Variants in FRYL observed in about 807,000 individuals in gnomAD.
FRYL encodes FRY like transcription coactivator, also known as protein furry homolog-like.
In FRYL, 150 loss-of-function variants were observed where a neutral mutation model predicts 351.2. The ratio of observed to expected loss-of-function variants is 0.43; its 90% CI spans 0.37 to 0.49. The LOEUF is 0.49. Among genes scored for constraint, FRYL ranks in the 20% least tolerant of loss-of-function variants. The probability of loss-of-function intolerance (pLI) is 0.00; values close to 1 mark genes in which losing one functional copy is unlikely to be tolerated. For synonymous variants in FRYL, 1,153 were observed against 1,257.1 expected (o/e 0.92, Z 1.75); for missense variants, 3,036 against 3,619.3 (o/e 0.84, Z 4.13).
At chr4:48,651,521 A>G (rs989544100) in intron 3 of FRYL, among the ~76,000 whole-genome samples, 2 of 152,080 alleles carry the variant, frequency 1.3e-5, no homozygotes, top group African/African-American at 4.8e-5. Context: ...TTTTATGTAT[A>G]ACAGTCATTT....
At chr4:48,759,939 T>A (rs1361648876) in intron 1 of FRYL, among the ~76,000 whole-genome samples, 1 of 152,178 alleles carries the variant, frequency 6.6e-6, no homozygotes, top group Non-Finnish European at 1.5e-5. Flanking sequence ...GGTGTGGACA[T>A]CTTTGGAGGG....
chr4:48,729,329 C>T (rs1315616513), intron 1 of FRYL, among the ~76,000 whole-genome samples: 1 of 152,254 alleles, frequency 6.6e-6, no homozygotes, highest in Non-Finnish European at 1.5e-5. Context: ...TAAAAGGCAG[C>T]AGACAGCTTC....
At chr4:48,708,420 T>TCATGC (rs1183715242) in intron 2 of FRYL, among the ~76,000 whole-genome samples, 1 of 152,030 alleles carries the variant, frequency 6.6e-6, no homozygotes, top group Non-Finnish European at 1.5e-5. Flanking sequence ...TGAGCCGAGA[T>TCATGC]CATGCCACTG....
chr4:48,567,422 T>G lies in FRYL; in HGVS notation c.2997-2A>C. Reference sequence around the variant, plus strand: ...TCATTATCAAGGCCACCACTTGCACTGAAAATATTGAAGAAAACAAAAGAT... The same window carrying G: ...TCATTATCAAGGCCACCACTTGCACGGAAAATATTGAAGAAAACAAAAGAT... On this transcript the variant is annotated splice_acceptor_variant, in intron 27 of 63. Coordinates refer to ENST00000358350, the MANE Select transcript of FRYL (RefSeq NM_015030.2). LOFTEE classifies it high-confidence loss of function. This position sits in a 1 kb window ranked among gnomAD's most constrained non-coding sequence, Gnocchi z 4.2. 1 of 1,583,946 alleles carries G rather than the reference T, an allele frequency of 6.3e-7. No individual in the cohort carries two copies. The highest frequency in any genetic ancestry group is 8.6e-7 in the Non-Finnish European group (1 of 1,169,378).
At chr4:48,659,176 C>A (rs986726867) in intron 3 of FRYL, among the ~76,000 whole-genome samples, 3 of 151,760 alleles carry the variant, frequency 2.0e-5, no homozygotes, top group African/African-American at 7.3e-5. Flanking sequence ...CATGGTGAAA[C>A]CCTGTCTCTA....
In FRYL at chr4:48,550,658, G is replaced by A. The variant is rs533873873; in HGVS notation, c.4567C>T (p.Arg1523Trp). ...CGGGATTCTAGTCTGTGATGTTGCC[G>A]ATTCAAATGACTGTTTAGTCCACTG... ...IYSGLNSHLN[R>W]QHHRLESRYS... Residue 1523 changes from arginine (R) to tryptophan (W), a missense_variant, in exon 38 of 64, where the codon CGG becomes TGG. Arg to Trp is a moderately radical substitution (Grantham distance 101). Coordinates refer to ENST00000358350, the MANE Select transcript of FRYL (RefSeq NM_015030.2). 16 of 1,613,890 alleles carry A rather than the reference G, an allele frequency of 9.9e-6. No homozygotes were observed. The East Asian group carries it at 2.9e-4, about 29-fold the overall frequency.
chr4:48,608,416 G>A (rs1468907154), intron 9 of FRYL, among the ~76,000 whole-genome samples: 1 of 152,038 alleles, frequency 6.6e-6, no homozygotes, highest in Non-Finnish European at 1.5e-5. Flanking sequence ...TTCCATAATT[G>A]TTACAGTAAC....
chr4:48,762,449 A>G (rs1192422235), intron 1 of FRYL, among the ~76,000 whole-genome samples: 1 of 152,190 alleles, frequency 6.6e-6, no homozygotes, highest in Non-Finnish European at 1.5e-5. Flanking sequence ...GCCTATTCCT[A>G]AACACTTGGG....
At chr4:48,779,903 G>A (rs1776486442) in intron 1 of FRYL, among the ~76,000 whole-genome samples, 175 bp downstream of exon 1, 1 of 151,852 alleles carries the variant, frequency 6.6e-6, no homozygotes, top group South Asian at 2.1e-4. Context: ...GCGCCGCGCC[G>A]CTTGCCAGCC....
chr4:48,682,673 C>T (rs1251840937), intron 3 of FRYL, among the ~76,000 whole-genome samples: 2 of 152,158 alleles, frequency 1.3e-5, no homozygotes, highest in Non-Finnish European at 2.9e-5. Context: ...AAAAAAACCT[C>T]ATCATCACTG....
chr4:48,691,116 C>T (rs1246284205), intron 2 of FRYL, among the ~76,000 whole-genome samples: 1 of 152,164 alleles, frequency 6.6e-6, no homozygotes, highest in East Asian at 1.9e-4. Context: ...CCCAAAACAA[C>T]TTTTCTAAAT....
chr4:48,623,174 C>A lies in FRYL; in HGVS notation c.126G>T (p.Lys42Asn), dbSNP rs1353790235. ...CCCTCTGAAGAGATCTGGACAATAGCTTCTCCTATGATTAAAAAAAACAAA... is the reference window on the plus strand; with the variant it reads ...CCCTCTGAAGAGATCTGGACAATAGATTCTCCTATGATTAAAAAAAACAAA... ...IEVVMAEPLE[K>N]LLSRSLQRGE... Residue 42 changes from lysine (K) to asparagine (N), a missense_variant, in exon 5 of 64, where the codon AAG becomes AAT. Around this residue, in one of 7 missense-constraint regions of FRYL, gnomAD observed 457 missense variants for 566.6 expected, o/e 0.81. Transcript: ENST00000358350. The A allele has an allele frequency of 4.0e-6, 6 of 1,491,354 alleles. No individual in the cohort carries two copies. Among genetic ancestry groups the A allele is most frequent in the Non-Finnish European group, 5.5e-6 (6 of 1,098,924 alleles). 92.4% of individuals were successfully genotyped at this position (1,491,354 alleles called of 1,614,324 possible).
chr4:48,680,629 T>G (rs900695058), intron 3 of FRYL, among the ~76,000 whole-genome samples: 1 of 152,108 alleles, frequency 6.6e-6, no homozygotes, highest in African/African-American at 2.4e-5. Flanking sequence ...TATTTTTTGT[T>G]TACATATCCT....
chr4:48,569,197 G>T (rs1016713983), intron 27 of FRYL, among the ~76,000 whole-genome samples: 2 of 152,178 alleles, frequency 1.3e-5, no homozygotes, highest in African/African-American at 2.4e-5. Context: ...ATTCAGATGT[G>T]TATCAGGTTG....
intron 3 of FRYL, among the ~76,000 whole-genome samples, chr4:48,642,917 C>G (rs1038810434): frequency 3.9e-5 from 6 of 152,114 alleles, no homozygotes; most frequent in Admixed American, 2.6e-4. Context: ...TAATCTTGGT[C>G]AAATTTAACC....
At chr4:48,696,102 T>G (rs1375046589) in intron 2 of FRYL, among the ~76,000 whole-genome samples, 1 of 151,946 alleles carries the variant, frequency 6.6e-6, no homozygotes, top group Non-Finnish European at 1.5e-5. Context: ...GTTCAACCAT[T>G]GTGGAAGACA....
At chr4:48,565,471 G>T in intron 29 of FRYL, 60 bp downstream of exon 29, 1 of 1,306,454 alleles carries the variant, frequency 7.7e-7, no homozygotes, top group South Asian at 1.7e-5. Flanking sequence ...GTGACTGAGA[G>T]ACTTAAAAAT....
chr4:48,581,208 T>A (rs1740825277), intron 21 of FRYL, among the ~76,000 whole-genome samples: 1 of 149,184 alleles, frequency 6.7e-6, no homozygotes, highest in Non-Finnish European at 1.5e-5. Context: ...GCCCGGCTAA[T>A]TTTTTTTTTA....
In FRYL at chr4:48,728,942, C is replaced by T. The variant is rs563297719; in HGVS notation, c.-383-18244G>A. Among the ~76,000 whole-genome samples, 37 of 152,346 alleles carry T rather than the reference C, an allele frequency of 2.4e-4. 1 individual carries two copies. The South Asian group carries it at 3.5e-3, about 14-fold the overall frequency. ...CGTCACCTCACCTGGGAAATGCAAG[C>T]GGTCAGGGGATTTCCCTTTCCTAGC... is the stretch of plus-strand genomic sequence containing the variant. On this transcript the variant is annotated intron_variant, in intron 1 of 63. Coordinates refer to ENST00000358350, the MANE Select transcript of FRYL (RefSeq NM_015030.2).
Sources: gnomAD v4.1 joint callset for allele counts (sites outside exome capture counted in the v4.1 genomes callset) on GRCh38, gnomAD v4.1.1 for gene constraint, gnomAD v4.1.1 regional missense constraint, Gnocchi (gnomAD v3.1) non-coding constraint, MANE v1.5 for transcripts, NCBI Gene and HGNC (gene_info 2026-07-23, HGNC 2026-07-21) for gene names.